Variants in MFHAS1 observed in about 807,000 individuals in gnomAD.
The protein encoded by MFHAS1 is multifunctional ROCO family signaling regulator 1, also known as malignant fibrous histiocytoma-amplified sequence 1.
In MFHAS1, 50 loss-of-function variants were observed where a neutral mutation model predicts 70.4. The ratio of observed to expected loss-of-function variants is 0.71; its 90% CI spans 0.57 to 0.90. The LOEUF is 0.90. MFHAS1 is among the 40% of genes least tolerant of loss of function. The probability of loss-of-function intolerance (pLI) is 0.00; values close to 1 mark genes in which losing one functional copy is unlikely to be tolerated. For missense variants in MFHAS1, 1,795 were observed against 1,347.6 expected, an observed-to-expected ratio of 1.33 and a Z score of -5.20; for synonymous variants, 952 against 620.0, an observed-to-expected ratio of 1.54 and a Z score of -7.96.
chr8:8,788,686 G>T (rs960209328), intron 2 of MFHAS1, among the ~76,000 whole-genome samples: 2 of 152,166 alleles, frequency 1.3e-5, no homozygotes, highest in Non-Finnish European at 2.9e-5. Flanking sequence ...CTCAAACAAA[G>T]AAACAAAAAG....
At chr8:8,832,773 C>T (rs533316898) in intron 1 of MFHAS1, among the ~76,000 whole-genome samples, 2 of 152,086 alleles carry the variant, frequency 1.3e-5, no homozygotes, top group South Asian at 2.1e-4. Context: ...AGACTACAGG[C>T]ACATGCCATT....
At position 8,785,611 on chromosome 8, in the gene MFHAS1, G is replaced by T. The variant is rs1385893848; in HGVS notation, c.*411C>A. 1.1e-5 allele frequency: 2 copies of T among 178,870 alleles called. No homozygotes were observed. The highest frequency in any genetic ancestry group is 2.8e-4 in the East Asian group (2 of 7,200). The allele number at this position is 178,870 out of a possible 1,614,324, so 11.1% of individuals were successfully genotyped here. ...TTTACACTAGTTATGGAACAGCAAT[G>T]AACGTCAGTCGATCCCTCTTTCACA... On this transcript the variant is annotated 3_prime_UTR_variant, in exon 3 of 3. Transcript: ENST00000276282.
At position 8,890,919 on chromosome 8, in the gene MFHAS1, G is replaced by A; in HGVS notation, c.2140C>T (p.Leu714Phe). 1 of 1,614,104 alleles carries A rather than the reference G, an allele frequency of 6.2e-7. No homozygotes were observed. The highest frequency in any genetic ancestry group is 8.5e-7 in the Non-Finnish European group (1 of 1,180,034). ...LSYLHESGKL[L>F]YFEDSPALKE... ...AGAGCCGGACTGTCCTCAAAGTAGA[G>A]TAGCTTGCCGCTCTCATGCAGGTAG... Residue 714 changes from leucine to phenylalanine, a missense_variant, in exon 1 of 3, where the codon CTC becomes TTC. Leu to Phe is a conservative substitution (Grantham distance 22, BLOSUM62 0). Transcript: ENST00000276282.
chr8:8,855,500 T>C (rs1330906481), intron 1 of MFHAS1, among the ~76,000 whole-genome samples: 1 of 152,232 alleles, frequency 6.6e-6, no homozygotes, highest in Non-Finnish European at 1.5e-5. Context: ...ATGAACGTTA[T>C]AGAATTTATT....
At chr8:8,863,132 T>C (rs1225200457) in intron 1 of MFHAS1, among the ~76,000 whole-genome samples, 2 of 152,238 alleles carry the variant, frequency 1.3e-5, no homozygotes, top group Non-Finnish European at 2.9e-5. Context: ...TGTACCTTTG[T>C]CCATAATCAA....
intron 1 of MFHAS1, among the ~76,000 whole-genome samples, chr8:8,850,202 C>T (rs1157707338): frequency 6.6e-6 from 1 of 152,174 alleles, no homozygotes; most frequent in Admixed American, 6.5e-5. Flanking sequence ...CACCTACACC[C>T]CTTGTAAACT....
intron 1 of MFHAS1, among the ~76,000 whole-genome samples, chr8:8,798,827 T>A (rs1178957448): frequency 1.3e-5 from 2 of 152,082 alleles, no homozygotes; most frequent in South Asian, 2.1e-4. Context: ...GGCAGGTGGA[T>A]CACAAGGTCA....
Position 8,840,795 on chromosome 8 carries a change from G to A in MFHAS1, c.2999-43304C>T, listed in dbSNP as rs75875456. Among the ~76,000 whole-genome samples the A allele has an allele frequency of 1.1e-4, 16 of 152,262 alleles. No individual in the cohort carries two copies. The East Asian group carries it at 3.1e-3, about 29-fold the overall frequency. On this transcript the variant is annotated intron_variant, in intron 1 of 2. Coordinates refer to ENST00000276282, the MANE Select transcript of MFHAS1 (RefSeq NM_004225.3). ...CTATGTACTGGATGCCTAACCTAGTGATTTGCCTTGCCTTGTGTGATAAAC... is the reference window on the plus strand; with the variant it reads ...CTATGTACTGGATGCCTAACCTAGTAATTTGCCTTGCCTTGTGTGATAAAC...
chr8:8,807,134 C>T (rs1028310219), intron 1 of MFHAS1, among the ~76,000 whole-genome samples: 3 of 152,204 alleles, frequency 2.0e-5, no homozygotes, highest in African/African-American at 7.2e-5. Flanking sequence ...ATGAAGGTCC[C>T]TCTAACCTTG....
intron 1 of MFHAS1, among the ~76,000 whole-genome samples, chr8:8,848,682 C>T (rs1346355175): frequency 2.0e-5 from 3 of 152,070 alleles, no homozygotes; most frequent in Admixed American, 1.3e-4. Flanking sequence ...ATTGAGTACT[C>T]AATAGAGAAT....
intron 1 of MFHAS1, among the ~76,000 whole-genome samples, chr8:8,852,263 C>A (rs912492612): frequency 3.9e-5 from 6 of 152,172 alleles, no homozygotes; most frequent in Non-Finnish European, 8.8e-5. Flanking sequence ...CACTTGAGGT[C>A]AGGAATTCGA....
rs151033575 is a variant in MFHAS1 at position 8,814,651 on chromosome 8, A to G, written c.2999-17160T>C. On this transcript the variant is annotated intron_variant, in intron 1 of 2. Coordinates refer to ENST00000276282, the MANE Select transcript of MFHAS1 (RefSeq NM_004225.3). ...AAAGTATGTATCTGATAAAAGACCT[A>G]TGTGCCAAATATGTAAAGAACTCTG... Among the ~76,000 whole-genome samples the G allele has an allele frequency of 7.0e-4, 106 of 152,346 alleles. 1 individual carries two copies. The East Asian group carries it at 0.019, about 28-fold the overall frequency.
chr8:8,843,674 G>A (rs1037357573), intron 1 of MFHAS1, among the ~76,000 whole-genome samples: 1 of 152,170 alleles, frequency 6.6e-6, no homozygotes, highest in Non-Finnish European at 1.5e-5. Context: ...TGAAAGGTGA[G>A]CAGGTCCGGT....
intron 1 of MFHAS1, among the ~76,000 whole-genome samples, chr8:8,837,693 T>C (rs753555695): frequency 2.6e-4 from 39 of 151,048 alleles, no homozygotes; most frequent in Non-Finnish European, 5.0e-4. Context: ...CACTTATCAT[T>C]AGGAACATGC....
In MFHAS1 at chr8:8,893,177, G is replaced by C. The variant is rs1361022180; in HGVS notation, c.-119C>G. On this transcript the variant is annotated 5_prime_UTR_variant, in exon 1 of 3. Transcript: ENST00000276282. ...TGCCCTCCCGCGCTCGGCGGCCGGC[G>C]GCCGCGGGTCCTAGCGCAGCCAGCG... 8 of 549,210 alleles carry C rather than the reference G, an allele frequency of 1.5e-5. No homozygotes were observed. In the African/African-American group the frequency reaches 1.6e-4, roughly 11 times the overall value. 34.0% of individuals were successfully genotyped at this position (549,210 alleles called of 1,614,324 possible). A position where few individuals can be genotyped will look rare whatever the true frequency, so the allele number is the denominator to read the frequency against.
chr8:8,793,143 GA>G (rs927588697), intron 2 of MFHAS1, among the ~76,000 whole-genome samples: 3 of 151,138 alleles, frequency 2.0e-5, no homozygotes. Context: ...AATCCACTGA[GA>G]CAAGTTATAA....
intron 1 of MFHAS1, among the ~76,000 whole-genome samples, chr8:8,873,672 G>A (rs766725394): frequency 4.6e-5 from 7 of 152,036 alleles, no homozygotes; most frequent in Non-Finnish European, 4.4e-5. Flanking sequence ...AAAATACAAC[G>A]GTGTGGAACT....
At chr8:8,857,006 AAAG>A (rs1311429818) in intron 1 of MFHAS1, among the ~76,000 whole-genome samples, 22 of 148,146 alleles carry the variant, frequency 1.5e-4, no homozygotes, top group African/African-American at 4.5e-4. Context: ...AAAAAAAAAA[AAAG>A]AGGAGAGATA....
Position 8,863,882 on chromosome 8 carries a change from C to A in MFHAS1, c.2998+26179G>T, listed in dbSNP as rs73525775. 8.8e-3 allele frequency among the ~76,000 whole-genome samples: 1,343 copies of A among 152,268 alleles called. 18 individuals are homozygous for A. The highest frequency in any genetic ancestry group is 0.03 in the African/African-American group (1,237 of 41,538). ...TTTCTCAGAAAACCAACCATCAGGG[C>A]TCCCAGATATCAAGGAGCTGAAACT... On this transcript the variant is annotated intron_variant, in intron 1 of 2. Transcript: ENST00000276282.
Sources: gnomAD v4.1 joint callset for allele counts (sites outside exome capture counted in the v4.1 genomes callset) on GRCh38, gnomAD v4.1.1 for gene constraint, MANE v1.5 for transcripts, NCBI Gene and HGNC (gene_info 2026-07-23, HGNC 2026-07-21) for gene names.